RUNDC3B: variants seen among roughly 807,000 people sequenced by gnomAD.
RUNDC3B encodes RUN domain-containing protein 3B.
A neutral mutation model predicts 58.4 loss-of-function variants in RUNDC3B; 33 were observed. The ratio of observed to expected loss-of-function variants is 0.56; its 90% CI spans 0.43 to 0.75. RUNDC3B has a LOEUF of 0.75. Among genes scored for constraint, RUNDC3B ranks in the 30% least tolerant of loss-of-function variants. RUNDC3B has a pLI of 0.00. For synonymous variants in RUNDC3B, 193 were observed against 195.2 expected, an observed-to-expected ratio of 0.99 and a Z score of 0.10; for missense variants, 501 against 535.7, an observed-to-expected ratio of 0.94 and a Z score of 0.64.
chr7:87,727,984 A>G (rs1284339417), intron 4 of RUNDC3B, among the ~76,000 whole-genome samples: 1 of 152,194 alleles, frequency 6.6e-6, no homozygotes, highest in Non-Finnish European at 1.5e-5. Context: ...AGGAAAAAGT[A>G]TAGCAGAGAA....
Position 87,700,541 on chromosome 7 carries a change from C to A in RUNDC3B, c.359C>A (p.Ser120Tyr). ...ATTGAAAATATGGAAAATGTCAGTT[C>A]TTCTAGAGCTAAGGTAAGACATTGG... The part of the protein sequence containing the change: ...CSIENMENVS[S>Y]SRAKGRAWIR... Residue 120 changes from serine to tyrosine, a missense_variant, in exon 3 of 11, where the codon TCT becomes TAT. Transcript: ENST00000394654. 6.2e-7 allele frequency: 1 copy of A among 1,611,312 alleles called. No individual in the cohort carries two copies. Among genetic ancestry groups the A allele is most frequent in the Non-Finnish European group, 8.5e-7 (1 of 1,179,214 alleles).
At chr7:87,667,519 AT>A in intron 2 of RUNDC3B, among the ~76,000 whole-genome samples, 1 of 152,004 alleles carries the variant, frequency 6.6e-6, no homozygotes, top group Non-Finnish European at 1.5e-5. Flanking sequence ...TAGGACTTCC[AT>A]TACTATTTTT....
intron 3 of RUNDC3B, among the ~76,000 whole-genome samples, chr7:87,705,551 GA>G (rs780654782): frequency 6.6e-6 from 1 of 152,120 alleles, no homozygotes; most frequent in Non-Finnish European, 1.5e-5. Flanking sequence ...TAAAATATTT[GA>G]GTTGAGGATC....
At chr7:87,728,554 T>C (rs1831383834) in intron 4 of RUNDC3B, among the ~76,000 whole-genome samples, 1 of 152,206 alleles carries the variant, frequency 6.6e-6, no homozygotes, top group Non-Finnish European at 1.5e-5. Context: ...ATTACTTGGC[T>C]CATGGCCCTG....
intron 2 of RUNDC3B, among the ~76,000 whole-genome samples, chr7:87,670,060 T>C (rs1010691526): frequency 5.9e-5 from 9 of 152,356 alleles, no homozygotes; most frequent in African/African-American, 2.2e-4. Flanking sequence ...TCCTGAAATA[T>C]GTTTTCCAAG....
chr7:87,700,403 G>A lies in RUNDC3B; in HGVS notation c.239-18G>A, dbSNP rs757999480. The A allele has an allele frequency of 6.4e-6, 10 of 1,551,942 alleles. 1 individual carries two copies. The highest frequency in any genetic ancestry group is 3.7e-5 in the South Asian group (3 of 80,624). On this transcript the variant is annotated intron_variant, in intron 2 of 10. Coordinates refer to ENST00000394654, the MANE Select transcript of RUNDC3B (RefSeq NM_001134405.2). ...ATTTTACTTTTTAAAATTTTATATC[G>A]CAATTTGTCTCCTGAAGGTCAAGTA...
chr7:87,689,602 A>G, intron 2 of RUNDC3B, among the ~76,000 whole-genome samples: 1 of 152,278 alleles, frequency 6.6e-6, no homozygotes, highest in Middle Eastern at 3.4e-3. Context: ...TGTGCTAATC[A>G]TCTAAAGAAA....
chr7:87,629,653 C>A (rs938081825), intron 1 of RUNDC3B, among the ~76,000 whole-genome samples: 1 of 152,072 alleles, frequency 6.6e-6, no homozygotes, highest in Non-Finnish European at 1.5e-5. Flanking sequence ...TTGGGCCGGG[C>A]GCGGTGGCTT....
intron 9 of RUNDC3B, among the ~76,000 whole-genome samples, chr7:87,815,369 A>T (rs528752355): frequency 1.3e-5 from 2 of 152,238 alleles, no homozygotes; most frequent in East Asian, 3.9e-4. Flanking sequence ...GACCACTTAT[A>T]TATGGAAATA....
chr7:87,638,371 G>GTGTA (rs775180505), intron 1 of RUNDC3B, among the ~76,000 whole-genome samples: 9 of 151,640 alleles, frequency 5.9e-5, no homozygotes, highest in South Asian at 4.2e-4. Context: ...GTGTGTGTGT[G>GTGTA]TGTGTGTGTT....
At chr7:87,772,400 A>G (rs755322284) in intron 7 of RUNDC3B, among the ~76,000 whole-genome samples, 19 of 152,192 alleles carry the variant, frequency 1.2e-4, no homozygotes, top group Non-Finnish European at 1.9e-4. Flanking sequence ...ACACTATTAC[A>G]TAGTATTTCT....
At chr7:87,705,068 A>G (rs17149864) in intron 3 of RUNDC3B, among the ~76,000 whole-genome samples, 14,965 of 152,200 alleles carry the variant, frequency 0.098, 894 homozygotes, top group African/African-American at 0.17. Context: ...ATCTGTCCTG[A>G]TACCACTTAG....
At chr7:87,639,527 C>T (rs1430504366) in intron 1 of RUNDC3B, among the ~76,000 whole-genome samples, 2 of 151,876 alleles carry the variant, frequency 1.3e-5, no homozygotes, top group African/African-American at 2.4e-5. Flanking sequence ...GTCTGTTTCT[C>T]CTTTTAGTTT....
chr7:87,696,392 C>G (rs1828495765), intron 2 of RUNDC3B, among the ~76,000 whole-genome samples: 1 of 152,028 alleles, frequency 6.6e-6, no homozygotes, highest in South Asian at 2.1e-4. Flanking sequence ...AGGTTATAGA[C>G]TTTTACTAGC....
intron 3 of RUNDC3B, among the ~76,000 whole-genome samples, chr7:87,706,633 A>C (rs1829615162): frequency 6.6e-6 from 1 of 152,222 alleles, no homozygotes; most frequent in Non-Finnish European, 1.5e-5. Context: ...CCGCACATCC[A>C]TCTTTGCTTT....
At chr7:87,813,569 T>G (rs773214298) in intron 9 of RUNDC3B, among the ~76,000 whole-genome samples, 6 of 152,186 alleles carry the variant, frequency 3.9e-5, no homozygotes, top group Non-Finnish European at 8.8e-5. Flanking sequence ...GAGCTATCAT[T>G]CAACTTAAAA....
chr7:87,716,167 A>G (rs961588725), intron 4 of RUNDC3B, among the ~76,000 whole-genome samples: 1 of 152,178 alleles, frequency 6.6e-6, no homozygotes, highest in Non-Finnish European at 1.5e-5. Context: ...AAATTGACAG[A>G]CACTGGTGGC....
At chr7:87,733,341 G>A (rs1001194379) in intron 4 of RUNDC3B, among the ~76,000 whole-genome samples, 1 of 152,140 alleles carries the variant, frequency 6.6e-6, no homozygotes, top group Non-Finnish European at 1.5e-5. Context: ...ACACAATCCT[G>A]CATGGAATTT....
chr7:87,659,295 G>A (rs1462605770), intron 2 of RUNDC3B: 1 of 360,166 alleles, frequency 2.8e-6, no homozygotes, highest in African/African-American at 2.2e-5. Flanking sequence ...TGGTTTCTCT[G>A]TTTTCTTTTT....
Sources: allele counts gnomAD v4.1 joint callset (sites outside exome capture counted in the v4.1 genomes callset), GRCh38; gene constraint gnomAD v4.1.1; transcripts MANE v1.5; gene names NCBI Gene and HGNC (gene_info 2026-07-23, HGNC 2026-07-21).